COL6A3: variants seen among roughly 807,000 people sequenced by gnomAD.
The protein encoded by COL6A3 is collagen alpha-3(VI) chain.
A neutral mutation model predicts 274.1 loss-of-function variants in COL6A3; 137 were observed. That is an observed-to-expected ratio of 0.50 (90% CI 0.44 to 0.58). COL6A3 has a LOEUF of 0.58. Ranked by LOEUF, COL6A3 falls within the 20% of genes least tolerant of loss-of-function variation. COL6A3 has a pLI of 0.00. For synonymous variants in COL6A3, 1,650 were observed against 1,650.6 expected (o/e 1.00, Z 0.01); for missense variants, 3,950 against 4,124.9 (o/e 0.96, Z 1.16).
At chr2:237,393,053 T>C (rs1457316457) in intron 3 of COL6A3, among the ~76,000 whole-genome samples, 2 of 152,208 alleles carry the variant, frequency 1.3e-5, no homozygotes, top group African/African-American at 2.4e-5. Flanking sequence ...CCAGCTCTCA[T>C]TAGCTCCCCA....
intron 23 of COL6A3, 154 bp downstream of exon 23, chr2:237,357,181 TAAG>T: frequency 1.3e-6 from 1 of 776,834 alleles, no homozygotes; most frequent in Non-Finnish European, 2.4e-6. Context: ...AGGGAAATTA[TAAG>T]AATGAAAATA....
Position 237,324,712 on chromosome 2 carries a change from G to A in COL6A3, c.*62C>T, listed in dbSNP as rs1015710999. Reference sequence around the variant, plus strand: ...AATCTACACCCGGAGCTTCTACAGAGACAAGTTGGCGATGGCTGACTCCTT... The same window carrying A: ...AATCTACACCCGGAGCTTCTACAGAAACAAGTTGGCGATGGCTGACTCCTT... On this transcript the variant is annotated 3_prime_UTR_variant, in exon 44 of 44. Transcript: ENST00000295550. The A allele has an allele frequency of 6.5e-7, 1 of 1,527,456 alleles. No homozygotes were observed. Among genetic ancestry groups the A allele is most frequent in the Non-Finnish European group, 9.1e-7 (1 of 1,101,786 alleles). 94.6% of individuals were successfully genotyped at this position (1,527,456 alleles called of 1,614,324 possible).
chr2:237,363,504 CT>C, intron 13 of COL6A3, 106 bp from the exon 14 acceptor site: 1 of 1,294,532 alleles, frequency 7.7e-7, no homozygotes. Flanking sequence ...TAAAATTTAG[CT>C]TTTAACTTAA....
intron 42 of COL6A3, chr2:237,325,946 A>G: frequency 8.5e-6 from 4 of 470,596 alleles, no homozygotes; most frequent in Non-Finnish European, 1.5e-5. Context: ...AATTATATCA[A>G]TGAAAGGGCT....
intron 23 of COL6A3, 58 bp downstream of exon 23, chr2:237,357,280 C>A: frequency 1.4e-6 from 2 of 1,460,532 alleles, no homozygotes; most frequent in South Asian, 2.3e-5. Flanking sequence ...TCATGTTGGG[C>A]AGATCTTATG....
intron 31 of COL6A3, 136 bp downstream of exon 31, chr2:237,347,671 G>A: frequency 2.2e-6 from 2 of 912,546 alleles, no homozygotes; most frequent in Non-Finnish European, 3.5e-6. Flanking sequence ...CTGGGGCTCA[G>A]GATTCCCTTC....
intron 42 of COL6A3, among the ~76,000 whole-genome samples, chr2:237,332,489 G>A (rs1331763503): frequency 6.6e-6 from 1 of 152,078 alleles, no homozygotes; most frequent in Non-Finnish European, 1.5e-5. Flanking sequence ...TTCTCTTTGA[G>A]CTCAAGCACC....
rs780113935 is a variant in COL6A3 at position 237,368,577 on chromosome 2, G to A, written c.4886C>T (p.Pro1629Leu). ...TPAPPGVDTP[P>L]PSRPEKKKAD... is the part of the protein sequence containing the mutation. ...ACGGTGCATACCTGGCCGTGAAGGA[G>A]GAGGGGTGTCCACCCCTGGAGGTGC... The change falls in exon 10 of 44, where the codon CCT becomes CTT. Residue 1629 changes from proline (P) to leucine (L), a missense_variant. Physicochemically the swap from Pro to Leu is moderately conservative, Grantham distance 98. Around this residue, in one of 5 missense-constraint regions of COL6A3, gnomAD observed 632 missense variants for 623.4 expected, o/e 1.01. Transcript: ENST00000295550. The surrounding 1 kb of genome is among the most constrained non-coding windows in gnomAD (Gnocchi z 4.4). 12 of 1,614,144 alleles carry A rather than the reference G, an allele frequency of 7.4e-6. No individual in the cohort carries two copies. In the South Asian group the frequency reaches 1.2e-4, roughly 16 times the overall value.
chr2:237,353,469 T>C, intron 24 of COL6A3, 66 bp from the exon 25 acceptor site: 3 of 1,411,366 alleles, frequency 2.1e-6, no homozygotes, highest in Non-Finnish European at 3.0e-6. Flanking sequence ...CTCTTTGCTC[T>C]ACAGTCATTT....
intron 42 of COL6A3, chr2:237,333,171 G>C (rs2106310160): frequency 6.0e-6 from 3 of 499,608 alleles, no homozygotes; most frequent in Admixed American, 6.3e-5. Flanking sequence ...CCAGTATGAG[G>C]CACAGGAGAA....
rs747436841 is a variant in COL6A3, at chr2:237,374,872, G to T, written c.3219C>A (p.Ser1073Arg). 2 of 1,613,726 alleles carry T rather than the reference G, an allele frequency of 1.2e-6. No homozygotes were observed. The highest frequency in any genetic ancestry group is 1.7e-6 in the Non-Finnish European group (2 of 1,180,000). ...DRVRVAVVQYSDRTRPEFYLN... is the reference protein window; with the variant it reads ...DRVRVAVVQYRDRTRPEFYLN... Reference sequence around the variant, plus strand: ...GGTAGAACTCGGGCCTGGTCCGGTCGCTGTACTGCACCACGGCCACGCGGA... The same window carrying T: ...GGTAGAACTCGGGCCTGGTCCGGTCTCTGTACTGCACCACGGCCACGCGGA... The change falls in exon 8 of 44, where the codon AGC becomes AGA. Residue 1073 changes from serine (S) to arginine (R), a missense_variant. By Grantham distance (110) the Ser-to-Arg change is moderately radical (BLOSUM62 -1). This residue lies in a region of COL6A3 where 1,934 missense variants were observed against 1,984.3 expected (regional missense o/e 0.97). Transcript: ENST00000295550. The surrounding 1 kb of genome is among the most constrained non-coding windows in gnomAD (Gnocchi z 4.8).
chr2:237,342,325 G>A (rs2077004199), intron 36 of COL6A3, 164 bp from the exon 37 acceptor site: 2 of 661,776 alleles, frequency 3.0e-6, no homozygotes, highest in Non-Finnish European at 5.4e-6. Flanking sequence ...TAGGCTCTGA[G>A]TATAATAGAA....
rs368367020 is a variant in COL6A3 at position 237,359,408 on chromosome 2, G to C, written c.6283-20C>G. The C allele has an allele frequency of 5.0e-6, 8 of 1,613,506 alleles. No homozygotes were observed. Among genetic ancestry groups the C allele is most frequent in the Non-Finnish European group, 5.1e-6 (6 of 1,179,876 alleles). The stretch of plus-strand genomic sequence containing the variant: ...AGAGCCCTAGAAGGCAAGGCGATAG[G>C]GGAAGCATTAGCTTTTCCTGCAGGG... On this transcript the variant is annotated intron_variant, in intron 17 of 43. Coordinates refer to ENST00000295550, the MANE Select transcript of COL6A3 (RefSeq NM_004369.4).
In COL6A3 at chr2:237,352,530, C is replaced by T; in HGVS notation, c.6745G>A (p.Gly2249Arg). ...TATTAGGACAGGCTTACCCGAGGTC[C>T]AGAAATGCCTTGTTCTCCTATCAGC... ...PGLIGEQGIS[G>R]PRGSGGAAGA... The change falls in exon 26 of 44, where the codon GGA becomes AGA. Residue 2249 changes from glycine (G) to arginine (R), a missense_variant. By Grantham distance (125) the Gly-to-Arg change is moderately radical. This residue lies in a region of COL6A3 where 1,284 missense variants were observed against 1,349.7 expected (regional missense o/e 0.95). Coordinates refer to ENST00000295550, the MANE Select transcript of COL6A3 (RefSeq NM_004369.4). 1 of 1,612,580 alleles carries T rather than the reference C, an allele frequency of 6.2e-7. No individual in the cohort carries two copies.
chr2:237,378,938 G>T lies in COL6A3; in HGVS notation c.2195C>A (p.Thr732Lys), dbSNP rs370719148. 4 of 1,614,200 alleles carry T rather than the reference G, an allele frequency of 2.5e-6. No homozygotes were observed. The East Asian group carries it at 8.9e-5, about 36-fold the overall frequency. Residue 732 changes from threonine to lysine, a missense_variant, in exon 6 of 44, where the codon ACG (threonine) becomes AAG (lysine). Physicochemically the swap from Thr to Lys is moderately conservative, Grantham distance 78. Coordinates refer to ENST00000295550, the MANE Select transcript of COL6A3 (RefSeq NM_004369.4). ...ACGGATCCTGCTGCCGCCAGCTTCC[G>T]TGAAGTGGTTGGCATAGACATAGCT... ...ALSYVYANHF[T>K]EAGGSRIREH...
At chr2:237,330,798 C>T (rs1566153) in intron 42 of COL6A3, among the ~76,000 whole-genome samples, 83,823 of 152,040 alleles carry the variant, frequency 0.55, 24,049 homozygotes, top group Middle Eastern at 0.7. Context: ...CATATGCAAA[C>T]GAAAACCAAT....
At chr2:237,356,748 G>A (rs951470215) in intron 23 of COL6A3, 5 of 162,810 alleles carry the variant, frequency 3.1e-5, no homozygotes, top group Admixed American at 1.8e-4. Context: ...GAGGACCTTG[G>A]AAGCTTTTGG....
At chr2:237,342,288 G>A (rs2077003438) in intron 36 of COL6A3, 127 bp from the exon 37 acceptor site, 1 of 759,280 alleles carries the variant, frequency 1.3e-6, no homozygotes, top group Non-Finnish European at 2.3e-6. Context: ...GCAGTATTGG[G>A]AATATCTTCT....
chr2:237,376,864 A>G lies in COL6A3; in HGVS notation c.2978T>C (p.Ile993Thr), dbSNP rs2077856364. Residue 993 changes from isoleucine (I) to threonine (T), a missense_variant, in exon 7 of 44, where the codon ATC becomes ACC. Around this residue, in one of 5 missense-constraint regions of COL6A3, gnomAD observed 1,934 missense variants for 1,984.3 expected, o/e 0.97. Transcript: ENST00000295550. ...LEQIVLSPAFILAAESLPKIG... is the reference protein window; with the variant it reads ...LEQIVLSPAFTLAAESLPKIG... ...CTTGGGAAGCGACTCTGCAGCCAGG[A>G]TAAACGCTGGAGACAGCACGATCTG... 1.2e-6 allele frequency: 2 copies of G among 1,614,238 alleles called. No individual in the cohort carries two copies. Among genetic ancestry groups the G allele is most frequent in the Non-Finnish European group, 1.7e-6 (2 of 1,180,042 alleles).
Sources: allele counts gnomAD v4.1 joint callset (sites outside exome capture counted in the v4.1 genomes callset), GRCh38; gene constraint gnomAD v4.1.1; regional missense constraint gnomAD v4.1.1; non-coding constraint Gnocchi (gnomAD v3.1); transcripts MANE v1.5; gene names NCBI Gene and HGNC (gene_info 2026-07-23, HGNC 2026-07-21).